Variants in ST3GAL3 observed in about 807,000 individuals in gnomAD.
ST3GAL3 encodes CMP-N-acetylneuraminate-beta-1,4-galactoside alpha-2,3-sialyltransferase.
In ST3GAL3, 21 loss-of-function variants were observed where a neutral mutation model predicts 50.1. The observed-to-expected ratio is 0.42, with a 90% confidence interval of 0.30 to 0.60. ST3GAL3 has a LOEUF of 0.60. Among genes scored for constraint, ST3GAL3 ranks in the 20% least tolerant of loss-of-function variants. The pLI is 0.19. For missense variants in ST3GAL3, 353 were observed against 489.4 expected, an observed-to-expected ratio of 0.72 and a Z score of 2.63; for synonymous variants, 183 against 190.0, an observed-to-expected ratio of 0.96 and a Z score of 0.30.
chr1:43,922,520 G>A (rs2083213658), intron 11 of ST3GAL3: 1 of 151,426 alleles, frequency 6.6e-6, no homozygotes, highest in Admixed American at 6.6e-5. Context: ...AAAATAGGAG[G>A]CAGGGCATGG....
At chr1:43,923,821 C>T (rs1490566887) in intron 11 of ST3GAL3, among the ~76,000 whole-genome samples, 2 of 151,930 alleles carry the variant, frequency 1.3e-5, no homozygotes, top group Non-Finnish European at 2.9e-5. Context: ...TGCTATGTTG[C>T]CCAAGCTGGT....
At chr1:43,875,938 CTTCTTCTTCTTCTTATTATTATTATTA>C (rs1203714787) in intron 5 of ST3GAL3, among the ~76,000 whole-genome samples, 12 of 45,836 alleles carry the variant, frequency 2.6e-4, no homozygotes, top group African/African-American at 6.3e-4. Context: ...TCTTCTTCTT[CTTCTTCTTCTTCTTATTATTATTATTA>C]TTATTATTAT....
intron 1 of ST3GAL3, among the ~76,000 whole-genome samples, chr1:43,725,239 C>G (rs898194112): frequency 6.6e-6 from 1 of 151,806 alleles, no homozygotes; most frequent in African/African-American, 2.4e-5. Context: ...GAGTTTCACT[C>G]TTGTTGCTCA....
chr1:43,921,382 A>G (rs1011633003), intron 11 of ST3GAL3: 1 of 457,104 alleles, frequency 2.2e-6, no homozygotes, highest in East Asian at 3.2e-5. Flanking sequence ...ATCCGTATGT[A>G]GGGTACATTA....
At chr1:43,762,512 T>C (rs973822007) in intron 2 of ST3GAL3, among the ~76,000 whole-genome samples, 1 of 152,094 alleles carries the variant, frequency 6.6e-6, no homozygotes, top group Non-Finnish European at 1.5e-5. Flanking sequence ...AGAATTCAAC[T>C]ATAGGTTGAA....
rs551233431 is a variant in ST3GAL3, at chr1:43,791,808, G to A, written c.119-294G>A. ...TGTTTTAATTCCATTTTCACTAGAA[G>A]AAAGAAAAAGAAGTAAATTTGTCCC... On this transcript the variant is annotated intron_variant, in intron 2 of 11. Transcript: ENST00000347631. Among the ~76,000 whole-genome samples the A allele has an allele frequency of 4.6e-5, 7 of 152,292 alleles. No individual in the cohort carries two copies. The East Asian group carries it at 1.2e-3, about 25-fold the overall frequency.
chr1:43,845,324 C>A (rs2066064380), intron 5 of ST3GAL3, among the ~76,000 whole-genome samples: 1 of 151,762 alleles, frequency 6.6e-6, no homozygotes, highest in Non-Finnish European at 1.5e-5. Flanking sequence ...AATTAAATTT[C>A]TTTAATTCTA....
intron 1 of ST3GAL3, chr1:43,727,146 C>G (rs1188944930): frequency 6.6e-6 from 1 of 152,132 alleles, no homozygotes; most frequent in Non-Finnish European, 1.5e-5. Flanking sequence ...AGTGGGAGCT[C>G]CTCAGGCTGA....
chr1:43,787,716 A>T (rs892161146), intron 2 of ST3GAL3, among the ~76,000 whole-genome samples: 2 of 152,166 alleles, frequency 1.3e-5, no homozygotes, highest in African/African-American at 4.8e-5. Context: ...CTTTATTTTT[A>T]TCTTAAGTGC....
chr1:43,874,632 C>G (rs2073716532), intron 5 of ST3GAL3, among the ~76,000 whole-genome samples: 1 of 152,080 alleles, frequency 6.6e-6, no homozygotes, highest in South Asian at 2.1e-4. Context: ...GAGCAGTGTC[C>G]TTTAGTAAAT....
chr1:43,735,650 C>T (rs976028719), intron 1 of ST3GAL3, among the ~76,000 whole-genome samples: 18 of 152,128 alleles, frequency 1.2e-4, no homozygotes, highest in African/African-American at 3.6e-4. Context: ...TGGCCTTGTG[C>T]GACTCTAAGC....
At chr1:43,859,354 G>A (rs1343518630) in intron 5 of ST3GAL3, among the ~76,000 whole-genome samples, 3 of 152,080 alleles carry the variant, frequency 2.0e-5, no homozygotes, top group Non-Finnish European at 4.4e-5. Context: ...GGCTGGGCAC[G>A]GTGGCGACCA....
At chr1:43,749,400 CA>C (rs1349294693) in intron 2 of ST3GAL3, among the ~76,000 whole-genome samples, 19 of 152,120 alleles carry the variant, frequency 1.2e-4, no homozygotes, top group African/African-American at 4.6e-4. Context: ...TGACAAGATA[CA>C]TTGGGCAAAG....
intron 9 of ST3GAL3, among the ~76,000 whole-genome samples, chr1:43,907,071 A>G (rs925395189): frequency 2.6e-5 from 4 of 152,164 alleles, no homozygotes; most frequent in African/African-American, 9.7e-5. Flanking sequence ...ACTCTTCTCC[A>G]TGCCAGGCCC....
chr1:43,915,552 T>G (rs560408196), intron 9 of ST3GAL3, among the ~76,000 whole-genome samples: 3 of 152,146 alleles, frequency 2.0e-5, no homozygotes, highest in Admixed American at 6.5e-5. Flanking sequence ...CAGATGTCAG[T>G]TCTGCCTTGG....
chr1:43,898,329 A>G (rs2077692416), intron 7 of ST3GAL3, 31 bp downstream of exon 7: 2 of 1,610,644 alleles, frequency 1.2e-6, no homozygotes, highest in South Asian at 1.1e-5. Context: ...CCTCCTACCC[A>G]CCGCTGCCTG....
intron 5 of ST3GAL3, among the ~76,000 whole-genome samples, chr1:43,870,868 G>A (rs985721479): frequency 5.9e-5 from 9 of 152,188 alleles, no homozygotes; most frequent in African/African-American, 2.2e-4. Context: ...CCCCAAAACT[G>A]TTGAGCATGG....
intron 5 of ST3GAL3, chr1:43,841,975 GC>G (rs2154200392): frequency 6.6e-6 from 1 of 152,282 alleles, no homozygotes; most frequent in African/African-American, 2.4e-5. Context: ...AATTTCTTCT[GC>G]CAAATATGCA....
At chr1:43,746,261 C>T (rs915659232) in intron 2 of ST3GAL3, among the ~76,000 whole-genome samples, 36 of 152,076 alleles carry the variant, frequency 2.4e-4, no homozygotes, top group Non-Finnish European at 4.6e-4. Context: ...TCCTCTTATA[C>T]GAGGTTCCTA....
Sources: allele counts gnomAD v4.1 joint callset (sites outside exome capture counted in the v4.1 genomes callset), GRCh38; gene constraint gnomAD v4.1.1; transcripts MANE v1.5; gene names NCBI Gene and HGNC (gene_info 2026-07-23, HGNC 2026-07-21).